SEMA4D: variants seen among roughly 807,000 people sequenced by gnomAD.
The protein encoded by SEMA4D is semaphorin 4D.
A neutral mutation model predicts 74.8 loss-of-function variants in SEMA4D; 22 were observed. The ratio of observed to expected loss-of-function variants is 0.29; its 90% CI spans 0.21 to 0.42. SEMA4D has a LOEUF of 0.42. SEMA4D is among the 10% of genes least tolerant of loss of function. SEMA4D has a pLI of 1.00. For synonymous variants in SEMA4D, 445 were observed against 463.7 expected (o/e 0.96, Z 0.52); for missense variants, 937 against 1,118.4 (o/e 0.84, Z 2.31).
chr9:89,418,289 T>C, intron 2 of SEMA4D: 2 of 803,994 alleles, frequency 2.5e-6, no homozygotes, highest in Non-Finnish European at 3.0e-6. Context: ...AAGACAGCAC[T>C]GGGGCAGACA....
At position 89,439,537 on chromosome 9, in the gene SEMA4D, T is replaced by C. The variant is rs1015579022; in HGVS notation, c.-244+16351A>G. 2.6e-5 allele frequency among the ~76,000 whole-genome samples: 4 copies of C among 152,338 alleles called. No individual in the cohort carries two copies. The East Asian group carries it at 7.7e-4, about 29-fold the overall frequency. Reference sequence around the variant, plus strand: ...AAACTGGAAAGAAGCATTTCTTCTATGATTAAAGATTTCACAAAAAATTAA... The same window carrying C: ...AAACTGGAAAGAAGCATTTCTTCTACGATTAAAGATTTCACAAAAAATTAA... On this transcript the variant is annotated intron_variant, in intron 2 of 15. Coordinates refer to ENST00000422704, the MANE Select transcript of SEMA4D (RefSeq NM_001371194.2).
At chr9:89,391,621 C>G (rs13287803) in intron 8 of SEMA4D, among the ~76,000 whole-genome samples, 24,853 of 152,236 alleles carry the variant, frequency 0.16, 2,666 homozygotes, top group Non-Finnish European at 0.23. Flanking sequence ...GCCCTACCCC[C>G]ACCTCCTCGG....
At chr9:89,406,259 G>A (rs1019333095) in intron 2 of SEMA4D, among the ~76,000 whole-genome samples, 3 of 152,158 alleles carry the variant, frequency 2.0e-5, no homozygotes, top group South Asian at 2.1e-4. Context: ...ACACGCACGT[G>A]AGGCCTCACC....
chr9:89,438,138 G>A (rs973619957), intron 2 of SEMA4D, among the ~76,000 whole-genome samples: 4 of 152,236 alleles, frequency 2.6e-5, no homozygotes, highest in African/African-American at 9.6e-5. Context: ...AGGGAAGAGG[G>A]AAGCAACAAA....
chr9:89,453,931 C>T (rs1855281679), intron 2 of SEMA4D, among the ~76,000 whole-genome samples: 1 of 148,388 alleles, frequency 6.7e-6, no homozygotes, highest in African/African-American at 2.5e-5. Flanking sequence ...GATCTTGGCT[C>T]ACTGCAAGCT....
intron 2 of SEMA4D, among the ~76,000 whole-genome samples, chr9:89,435,128 G>A (rs901228448): frequency 2.7e-4 from 41 of 152,244 alleles, no homozygotes; most frequent in African/African-American, 8.9e-4. Context: ...GAGTGCACGG[G>A]GGCTGCACAT....
downstream of SEMA4D, among the ~76,000 whole-genome samples, chr9:89,373,446 C>T (rs1468166273): frequency 2.6e-5 from 4 of 152,188 alleles, no homozygotes; most frequent in African/African-American, 9.7e-5. Context: ...ACCCAGTCCC[C>T]AAGTGCAACC....
chr9:89,454,281 A>G (rs1855394386), intron 2 of SEMA4D, among the ~76,000 whole-genome samples: 1 of 150,798 alleles, frequency 6.6e-6, no homozygotes, highest in East Asian at 1.9e-4. Flanking sequence ...TCTTACAGCT[A>G]AAGTCACATC....
intron 9 of SEMA4D, 79 bp downstream of exon 9, chr9:89,391,185 A>G (rs1454245568): frequency 7.8e-6 from 11 of 1,410,996 alleles, no homozygotes; most frequent in Non-Finnish European, 9.9e-6. Context: ...ATTTGAGACG[A>G]AGGTCAGGAG....
chr9:89,475,504 C>A (rs893886192), intron 1 of SEMA4D, among the ~76,000 whole-genome samples: 1 of 152,240 alleles, frequency 6.6e-6, no homozygotes, highest in Non-Finnish European at 1.5e-5. Context: ...CAGCTCCACT[C>A]TCTCACTTGT....
At position 89,381,410 on chromosome 9, in the gene SEMA4D, G is replaced by A; in HGVS notation, c.1447-64C>T. ...GCAGGCATCCAGGAGCATGGCCTCTGCTTCTGCACCAGTGTGTGGGAAGCA... is the reference window on the plus strand; with the variant it reads ...GCAGGCATCCAGGAGCATGGCCTCTACTTCTGCACCAGTGTGTGGGAAGCA... On this transcript the variant is annotated intron_variant, in intron 13 of 15. Coordinates refer to ENST00000422704, the MANE Select transcript of SEMA4D (RefSeq NM_001371194.2). This position sits in a 1 kb window ranked among gnomAD's most constrained non-coding sequence, Gnocchi z 4.6. 1 of 1,406,210 alleles carries A rather than the reference G, an allele frequency of 7.1e-7. No homozygotes were observed. The allele number at this position is 1,406,210 out of a possible 1,614,324, so 87.1% of individuals were successfully genotyped here.
chr9:89,378,766 C>G lies in SEMA4D; in HGVS notation c.2527G>C (p.Asp843His), dbSNP rs1836288372. 1.2e-6 allele frequency: 2 copies of G among 1,614,082 alleles called. No individual in the cohort carries two copies. Among genetic ancestry groups the G allele is most frequent in the African/African-American group, 2.7e-5 (2 of 74,928 alleles). ...SQRIDDLSAR[D>H]KPFDVKCELK... ...TCACACTTGACGTCAAAGGGCTTGT[C>G]CCTGGCAGAAAGGTCGTCGATCCTC... The change falls in exon 16 of 16, where the codon GAC (aspartate) becomes CAC (histidine). Residue 843 changes from aspartate (D) to histidine (H), a missense_variant. Physicochemically the swap from Asp to His is moderately conservative, Grantham distance 81. Transcript: ENST00000422704.
intron 2 of SEMA4D, among the ~76,000 whole-genome samples, chr9:89,443,487 C>T (rs1370898222): frequency 6.6e-6 from 1 of 152,234 alleles, no homozygotes; most frequent in East Asian, 1.9e-4. Flanking sequence ...AATGAGCCCT[C>T]CCAGTAAAGC....
At chr9:89,481,495 A>G (rs1429562788) in intron 1 of SEMA4D, among the ~76,000 whole-genome samples, 3 of 152,268 alleles carry the variant, frequency 2.0e-5, no homozygotes, top group Non-Finnish European at 4.4e-5. Context: ...GGACAATAAA[A>G]GGCTAAAACA....
chr9:89,449,970 A>T, intron 2 of SEMA4D: 1 of 1,541,672 alleles, frequency 6.5e-7, no homozygotes. Flanking sequence ...AGTAACAGGG[A>T]GGAAAGCAGA....
At position 89,437,121 on chromosome 9, in the gene SEMA4D, C is replaced by T. The variant is rs1006672455; in HGVS notation, c.-244+18767G>A. 2.6e-5 allele frequency among the ~76,000 whole-genome samples: 4 copies of T among 152,194 alleles called. No individual in the cohort carries two copies. In the East Asian group the frequency reaches 5.8e-4, roughly 22 times the overall value. On this transcript the variant is annotated intron_variant, in intron 2 of 15. Coordinates refer to ENST00000422704, the MANE Select transcript of SEMA4D (RefSeq NM_001371194.2). ...GATGGCCTGCTCCCAGCTGGGCAGA[C>T]GACCCTAAAACAGGAAGCACGTGGC...
chr9:89,421,627 C>T (rs748388052), intron 2 of SEMA4D, among the ~76,000 whole-genome samples: 1 of 152,128 alleles, frequency 6.6e-6, no homozygotes, highest in African/African-American at 2.4e-5. Context: ...CAGCATAGAA[C>T]GTTTTCTATA....
intron 18 of SEMA4D, among the ~76,000 whole-genome samples, chr9:89,363,266 T>C (rs1035942603): frequency 7.0e-6 from 1 of 142,644 alleles, no homozygotes; most frequent in Non-Finnish European, 1.5e-5. Flanking sequence ...GACGTGGGAT[T>C]TCCCCCCCCA....
chr9:89,377,292 T>C lies in SEMA4D; in HGVS notation c.*1412A>G. On this transcript the variant is annotated 3_prime_UTR_variant, in exon 16 of 16. Coordinates refer to ENST00000422704, the MANE Select transcript of SEMA4D (RefSeq NM_001371194.2). ...CTTTCCAAATGTATACAATTCAAAGTAGAAAAATAAAAACAAGGTAAATCT... is the reference window on the plus strand; with the variant it reads ...CTTTCCAAATGTATACAATTCAAAGCAGAAAAATAAAAACAAGGTAAATCT... The C allele has an allele frequency of 2.1e-6, 1 of 485,186 alleles. No homozygotes were observed. The highest frequency in any genetic ancestry group is 3.4e-6 in the Non-Finnish European group (1 of 297,928). The allele number at this position is 485,186 out of a possible 1,614,324, so 30.1% of individuals were successfully genotyped here. A position where few individuals can be genotyped will look rare whatever the true frequency, so the allele number is the denominator to read the frequency against.
Sources: allele counts gnomAD v4.1 joint callset (sites outside exome capture counted in the v4.1 genomes callset), GRCh38; gene constraint gnomAD v4.1.1; non-coding constraint Gnocchi (gnomAD v3.1); transcripts MANE v1.5; gene names NCBI Gene and HGNC (gene_info 2026-07-23, HGNC 2026-07-21).